CCDC88C: variants seen among roughly 807,000 people sequenced by gnomAD.
CCDC88C encodes protein Daple.
Under a neutral mutation model 198.8 loss-of-function variants are expected in CCDC88C, and 131 were observed. That is an observed-to-expected ratio of 0.66 (90% CI 0.57 to 0.76). CCDC88C has a LOEUF of 0.76. CCDC88C is among the 30% of genes least tolerant of loss of function. CCDC88C has a pLI of 0.00. For synonymous variants in CCDC88C, 1,166 were observed against 1,114.7 expected (o/e 1.05, Z -0.92); for missense variants, 2,553 against 2,631.6 (o/e 0.97, Z 0.65).
At chr14:91,388,668 G>A (rs2078329399) in intron 3 of CCDC88C, among the ~76,000 whole-genome samples, 1 of 152,202 alleles carries the variant, frequency 6.6e-6, no homozygotes, top group Non-Finnish European at 1.5e-5. Context: ...GCAAAACAGA[G>A]AATGACTTAA....
chr14:91,401,479 C>T (rs1343459594), intron 3 of CCDC88C, among the ~76,000 whole-genome samples: 1 of 151,130 alleles, frequency 6.6e-6, no homozygotes, highest in African/African-American at 2.4e-5. Context: ...GGACTACAGT[C>T]GCCCACCACC....
chr14:91,325,828 C>G lies in CCDC88C; in HGVS notation c.1197+82G>C, dbSNP rs1892561158. On this transcript the variant is annotated intron_variant, in intron 11 of 29. Coordinates refer to ENST00000389857, the MANE Select transcript of CCDC88C (RefSeq NM_001080414.4). The surrounding 1 kb of genome is among the most constrained non-coding windows in gnomAD (Gnocchi z 4.1). ...AAGGGATCCTCCCACCTTAGCCTCC[C>G]AAAGTGCTGGGATTACAGGCATGAG... The G allele has an allele frequency of 1.4e-6, 2 of 1,413,496 alleles. No homozygotes were observed. Among genetic ancestry groups the G allele is most frequent in the South Asian group, 2.7e-5 (2 of 74,014 alleles). 87.6% of individuals were successfully genotyped at this position (1,413,496 alleles called of 1,614,324 possible).
rs772895232 is a variant in CCDC88C at position 91,416,847 on chromosome 14, A to AG, written c.61-10dup. ...GGGCCAAAAGTTTTCACCTGCGGGG[A>AG]GGGGGACGAGGAGAGAAAGACAGGA... is the stretch of plus-strand genomic sequence containing the variant. On this transcript the variant is annotated splice_polypyrimidine_tract_variant and intron_variant, in intron 1 of 29. Coordinates refer to ENST00000389857, the MANE Select transcript of CCDC88C (RefSeq NM_001080414.4). 4 of 1,599,284 alleles carry AG rather than the reference A, an allele frequency of 2.5e-6. No individual in the cohort carries two copies. In the African/African-American group the frequency reaches 4.0e-5, roughly 16 times the overall value.
chr14:91,273,020 G>A lies in CCDC88C; in HGVS notation c.5692C>T (p.Pro1898Ser), dbSNP rs1253442628. The change falls in exon 30 of 30, where the codon CCC (proline) becomes TCC (serine). Residue 1898 changes from proline (P) to serine (S), a missense_variant. Around this residue, in one of 2 missense-constraint regions of CCDC88C, gnomAD observed 1,293 missense variants for 1,219.6 expected, o/e 1.06. Coordinates refer to ENST00000389857, the MANE Select transcript of CCDC88C (RefSeq NM_001080414.4). This position sits in a 1 kb window ranked among gnomAD's most constrained non-coding sequence, Gnocchi z 5.6. Reference protein sequence around the residue: ...LAPPKEERLAPLHQSATAPAI... With the variant: ...LAPPKEERLASLHQSATAPAI... ...GGGGCTGTGGCAGACTGATGCAGGG[G>A]GGCCAGCCTCTCCTCCTTTGGGGGA... 1.3e-6 allele frequency: 2 copies of A among 1,554,466 alleles called. No homozygotes were observed. Among genetic ancestry groups the A allele is most frequent in the East Asian group, 2.4e-5 (1 of 42,000 alleles).
chr14:91,417,739 T>G lies in CCDC88C; in HGVS notation c.-49A>C. 2 of 1,422,744 alleles carry G rather than the reference T, an allele frequency of 1.4e-6. No individual in the cohort carries two copies. The highest frequency in any genetic ancestry group is 3.1e-5 in the East Asian group (1 of 32,652). 88.1% of individuals were successfully genotyped at this position (1,422,744 alleles called of 1,614,324 possible). A position where few individuals can be genotyped will look rare whatever the true frequency, so the allele number is the denominator to read the frequency against. ...CGCGCCCCCCGCCCCGCGTCCCCGT[T>G]CCCCCGCGCCGCGGCACAAAACGGC... On this transcript the variant is annotated 5_prime_UTR_variant, in exon 1 of 30. Coordinates refer to ENST00000389857, the MANE Select transcript of CCDC88C (RefSeq NM_001080414.4).
chr14:91,300,538 C>T (rs901230278), intron 20 of CCDC88C, among the ~76,000 whole-genome samples: 1 of 152,214 alleles, frequency 6.6e-6, no homozygotes, highest in African/African-American at 2.4e-5. Flanking sequence ...GAAGCCTCTC[C>T]CTCTCCCCTT....
At chr14:91,380,709 CTCT>C (rs1458230393) in intron 3 of CCDC88C, among the ~76,000 whole-genome samples, 1 of 152,042 alleles carries the variant, frequency 6.6e-6, no homozygotes, top group Non-Finnish European at 1.5e-5. Flanking sequence ...CCCTATGTGC[CTCT>C]TAAAATGAAG....
intron 26 of CCDC88C, among the ~76,000 whole-genome samples, chr14:91,282,076 C>T (rs983646178): frequency 6.6e-6 from 1 of 152,154 alleles, no homozygotes; most frequent in African/African-American, 2.4e-5. Flanking sequence ...TGGAAAATGC[C>T]CCACGCCTCA....
At position 91,272,710 on chromosome 14, in the gene CCDC88C, C is replaced by T. The variant is rs758786307; in HGVS notation, c.6002G>A (p.Arg2001Gln). Residue 2001 changes from arginine to glutamine, a missense_variant, in exon 30 of 30, where the codon CGA becomes CAA. Arg to Gln is a conservative substitution (Grantham distance 43, BLOSUM62 1). Coordinates refer to ENST00000389857, the MANE Select transcript of CCDC88C (RefSeq NM_001080414.4). ...CGGACTGCTCTTTGAGACGCTCCCT[C>T]GACTGCAGTCCTCCAGGGCCCGGCC... Reference protein sequence around the residue: ...HLGRALEDCSRGSVSKSSPAS... With the variant: ...HLGRALEDCSQGSVSKSSPAS... 1.1e-5 allele frequency: 18 copies of T among 1,611,240 alleles called. No individual in the cohort carries two copies. Among genetic ancestry groups the T allele is most frequent in the Middle Eastern group, 1.7e-4 (1 of 5,962 alleles).
At chr14:91,289,027 G>A (rs753841836) in intron 25 of CCDC88C, 78 bp downstream of exon 25, 70 of 1,200,584 alleles carry the variant, frequency 5.8e-5, no homozygotes, top group Non-Finnish European at 8.0e-5. Context: ...TCCTGCACAC[G>A]TGTGCACAGC....
At chr14:91,408,906 A>T in intron 2 of CCDC88C, 139 bp from the exon 3 acceptor site, 2 of 645,036 alleles carry the variant, frequency 3.1e-6, no homozygotes, top group Non-Finnish European at 5.7e-6. Context: ...GTTCAAGTCA[A>T]ATCCCAATCC....
chr14:91,375,288 GGAGA>G (rs895335611), intron 3 of CCDC88C, among the ~76,000 whole-genome samples: 1 of 152,066 alleles, frequency 6.6e-6, no homozygotes, highest in Non-Finnish European at 1.5e-5. Context: ...CGCGCATGTG[GGAGA>G]GAGAGAGACA....
chr14:91,416,140 A>T (rs1260322004), intron 2 of CCDC88C, among the ~76,000 whole-genome samples: 7 of 152,216 alleles, frequency 4.6e-5, no homozygotes, highest in Non-Finnish European at 7.3e-5. Flanking sequence ...GGCAAGAGTA[A>T]CTTCTACTAA....
At position 91,307,312 on chromosome 14, in the gene CCDC88C, C is replaced by T. The variant is rs1311109814; in HGVS notation, c.3007-86G>A. 41 of 1,087,184 alleles carry T rather than the reference C, an allele frequency of 3.8e-5. 1 individual carries two copies. Among genetic ancestry groups the T allele is most frequent in the Middle Eastern group, 2.8e-4 (1 of 3,558 alleles). The allele number at this position is 1,087,184 out of a possible 1,614,324, so 67.3% of individuals were successfully genotyped here. ...AGTGAGTGGCTGAGGGCAACCTGCA[C>T]CACACCCTCCACACTCCCCATACTC... On this transcript the variant is annotated intron_variant, in intron 17 of 29. Coordinates refer to ENST00000389857, the MANE Select transcript of CCDC88C (RefSeq NM_001080414.4).
At chr14:91,312,411 G>A (rs564622144) in intron 15 of CCDC88C, among the ~76,000 whole-genome samples, 19 of 146,506 alleles carry the variant, frequency 1.3e-4, no homozygotes, top group African/African-American at 2.8e-4. Context: ...GGTCGGGCGC[G>A]GTGGCTCATG....
intron 5 of CCDC88C, 80 bp from the exon 6 acceptor site, chr14:91,342,543 G>T (rs1893356163): frequency 1.1e-6 from 1 of 922,680 alleles, no homozygotes; most frequent in Non-Finnish European, 1.7e-6. Flanking sequence ...CAGAATGACA[G>T]TTTCAAAAGG....
chr14:91,382,507 T>C (rs576075661), intron 3 of CCDC88C, among the ~76,000 whole-genome samples: 12 of 152,344 alleles, frequency 7.9e-5, no homozygotes, highest in South Asian at 2.1e-4. Context: ...CTAAGAAAGC[T>C]GTTCCATCTC....
At chr14:91,383,592 G>C (rs925769738) in intron 3 of CCDC88C, among the ~76,000 whole-genome samples, 2 of 152,192 alleles carry the variant, frequency 1.3e-5, no homozygotes, top group East Asian at 3.8e-4. Context: ...GATACTCCAC[G>C]AGGTATCGGT....
intron 2 of CCDC88C, among the ~76,000 whole-genome samples, chr14:91,412,432 A>T (rs2140019990): frequency 9.5e-6 from 1 of 105,512 alleles, no homozygotes; most frequent in South Asian, 3.8e-4. Context: ...TAGTTTGTGT[A>T]TTTTTTTCTT....
Sources: gnomAD v4.1 joint callset for allele counts (sites outside exome capture counted in the v4.1 genomes callset) on GRCh38, gnomAD v4.1.1 for gene constraint, gnomAD v4.1.1 regional missense constraint, Gnocchi (gnomAD v3.1) non-coding constraint, MANE v1.5 for transcripts, NCBI Gene and HGNC (gene_info 2026-07-23, HGNC 2026-07-21) for gene names.